SHOC2: variants seen among roughly 807,000 people sequenced by gnomAD.
The protein encoded by SHOC2 is leucine-rich repeat protein SHOC-2.
SHOC2 carries 4 observed loss-of-function variants against 50.2 expected under a neutral mutation model. The ratio of observed to expected loss-of-function variants is 0.08; its 90% CI spans 0.04 to 0.18. The LOEUF (loss-of-function observed/expected upper bound fraction) is 0.18. SHOC2 is among the 10% of genes least tolerant of loss of function. The pLI is 1.00. For synonymous variants in SHOC2, 218 were observed against 244.5 expected, an observed-to-expected ratio of 0.89 and a Z score of 1.01; for missense variants, 388 against 669.6, an observed-to-expected ratio of 0.58 and a Z score of 4.64.
At chr10:110,978,221 C>G (rs1847911669) in intron 2 of SHOC2, among the ~76,000 whole-genome samples, 1 of 152,196 alleles carries the variant, frequency 6.6e-6, no homozygotes, top group African/African-American at 2.4e-5. Flanking sequence ...TGTCTGCAGT[C>G]TGCAAACCAT....
intron 3 of SHOC2, among the ~76,000 whole-genome samples, chr10:110,991,676 G>T (rs181365619): frequency 5.9e-5 from 9 of 152,108 alleles, no homozygotes; most frequent in Non-Finnish European, 1.3e-4. Flanking sequence ...TTTTGATGAT[G>T]TAGCAGAAGA....
chr10:111,006,650 G>A (rs535395537), intron 5 of SHOC2, among the ~76,000 whole-genome samples: 5 of 152,298 alleles, frequency 3.3e-5, no homozygotes, highest in African/African-American at 9.6e-5. Context: ...GATTACAGGC[G>A]TGAGCCACCA....
At chr10:110,968,616 A>C (rs1483496525) in intron 2 of SHOC2, among the ~76,000 whole-genome samples, 1 of 151,764 alleles carries the variant, frequency 6.6e-6, no homozygotes, top group Admixed American at 6.6e-5. Context: ...CATGCCATCC[A>C]GTTTTTATTC....
intron 5 of SHOC2, among the ~76,000 whole-genome samples, chr10:111,005,509 T>TA (rs1232349557): frequency 1.3e-5 from 2 of 152,196 alleles, no homozygotes; most frequent in Admixed American, 6.5e-5. Context: ...TTAAAGCATG[T>TA]AAAAAATCTC....
chr10:110,952,206 CACTTTTA>C (rs1847367547), intron 1 of SHOC2, among the ~76,000 whole-genome samples: 1 of 152,114 alleles, frequency 6.6e-6, no homozygotes, highest in African/African-American at 2.4e-5. Flanking sequence ...ATATAGTCTT[CACTTTTA>C]GATAAATTTT....
At chr10:110,970,768 A>G (rs941857550) in intron 2 of SHOC2, among the ~76,000 whole-genome samples, 26 of 150,558 alleles carry the variant, frequency 1.7e-4, no homozygotes, top group African/African-American at 6.4e-4. Context: ...TAGCCATTCC[A>G]ATAGGGTTGA....
intron 3 of SHOC2, among the ~76,000 whole-genome samples, chr10:110,987,097 CTT>C (rs945177847): frequency 8.5e-5 from 13 of 152,272 alleles, no homozygotes; most frequent in Middle Eastern, 3.4e-3. Flanking sequence ...GGAAAAATAA[CTT>C]AGCCTTTTAG....
intron 2 of SHOC2, among the ~76,000 whole-genome samples, chr10:110,974,506 G>A (rs1048463292): frequency 6.6e-6 from 1 of 151,806 alleles, no homozygotes; most frequent in Non-Finnish European, 1.5e-5. Flanking sequence ...TTTTAAAATG[G>A]GTTTTGTAAA....
intron 2 of SHOC2, among the ~76,000 whole-genome samples, chr10:110,970,947 G>A (rs1406623519): frequency 6.6e-6 from 1 of 151,900 alleles, no homozygotes; most frequent in Non-Finnish European, 1.5e-5. Flanking sequence ...TTGAGTTCTT[G>A]TATATTAATC....
chr10:110,995,532 A>G (rs1848254166), intron 3 of SHOC2, among the ~76,000 whole-genome samples: 1 of 152,226 alleles, frequency 6.6e-6, no homozygotes, highest in Admixed American at 6.5e-5. Context: ...AGCAAAGTCA[A>G]TGAAGATCTT....
rs374379300 is a variant in SHOC2 at position 110,927,448 on chromosome 10, G to A, written c.-235+7791G>A. 1.4e-4 allele frequency among the ~76,000 whole-genome samples: 21 copies of A among 152,260 alleles called. No individual in the cohort carries two copies. In the South Asian group the frequency reaches 4.1e-3, roughly 30 times the overall value. ...TGCAACTCTAAACTCATAGAAATGG[G>A]ATGCTTATATACTAGGCAGCTTAAA... On this transcript the variant is annotated intron_variant, in intron 1 of 8. Coordinates refer to ENST00000369452, the MANE Select transcript of SHOC2 (RefSeq NM_007373.4).
chr10:110,944,987 C>T (rs147705730), intron 1 of SHOC2, among the ~76,000 whole-genome samples: 1 of 152,264 alleles, frequency 6.6e-6, no homozygotes, highest in East Asian at 1.9e-4. Flanking sequence ...TTCAGGTCTT[C>T]CTTGAGCATG....
chr10:111,004,505 C>G, intron 4 of SHOC2, 101 bp from the exon 5 acceptor site: 1 of 804,820 alleles, frequency 1.2e-6, no homozygotes, highest in Non-Finnish European at 2.1e-6. Context: ...CATTTGTCAC[C>G]CCCCAAAGCC....
chr10:111,009,865 T>A, intron 8 of SHOC2, 35 bp downstream of exon 8: 3 of 1,115,760 alleles, frequency 2.7e-6, no homozygotes, highest in Non-Finnish European at 4.1e-6. Context: ...TCTGTACTAA[T>A]AATTTGCTCT....
At chr10:110,989,743 A>G (rs1400085109) in intron 3 of SHOC2, among the ~76,000 whole-genome samples, 1 of 152,202 alleles carries the variant, frequency 6.6e-6, no homozygotes, top group East Asian at 1.9e-4. Flanking sequence ...TTTCAGGATC[A>G]TATTTTCCTA....
At chr10:110,972,641 T>G (rs1335740677) in intron 2 of SHOC2, among the ~76,000 whole-genome samples, 1 of 152,080 alleles carries the variant, frequency 6.6e-6, no homozygotes, top group Non-Finnish European at 1.5e-5. Flanking sequence ...GCCCAGGAGT[T>G]TGAAACCAGC....
intron 3 of SHOC2, among the ~76,000 whole-genome samples, chr10:110,996,513 G>A (rs772333802): frequency 1.2e-4 from 18 of 151,632 alleles, no homozygotes; most frequent in South Asian, 6.3e-4. Context: ...GGGCGACAGA[G>A]TCAGACTCTG....
intron 1 of SHOC2, among the ~76,000 whole-genome samples, chr10:110,934,157 C>T (rs1474869672): frequency 7.2e-5 from 11 of 152,232 alleles, no homozygotes; most frequent in South Asian, 2.1e-4. Flanking sequence ...TTTGGAACTA[C>T]GTATAAAAAT....
intron 3 of SHOC2, among the ~76,000 whole-genome samples, chr10:110,990,579 G>A (rs1322816020): frequency 9.2e-5 from 14 of 151,914 alleles, no homozygotes; most frequent in East Asian, 3.9e-4. Flanking sequence ...ACCAATCAGC[G>A]CCCTGACAAA....
Sources: allele counts gnomAD v4.1 joint callset (sites outside exome capture counted in the v4.1 genomes callset), GRCh38; gene constraint gnomAD v4.1.1; transcripts MANE v1.5; gene names NCBI Gene and HGNC (gene_info 2026-07-23, HGNC 2026-07-21).